COL23A1: variants seen among roughly 807,000 people sequenced by gnomAD.
COL23A1 encodes the protein collagen alpha-1(XXIII) chain.
COL23A1 carries 97 observed loss-of-function variants against 99.3 expected under a neutral mutation model. That is an observed-to-expected ratio of 0.98 (90% CI 0.83 to 1.16). The LOEUF (loss-of-function observed/expected upper bound fraction) is 1.16. Among genes scored for constraint, COL23A1 ranks in the 50% most tolerant of loss-of-function variants. The pLI, the probability that COL23A1 is intolerant of heterozygous loss-of-function variation, is 0.00. For missense variants in COL23A1, 762 were observed against 757.4 expected (o/e 1.01, Z -0.07); for synonymous variants, 320 against 308.2 (o/e 1.04, Z -0.40).
At chr5:178,381,094 A>G (rs1485074136) in intron 2 of COL23A1, among the ~76,000 whole-genome samples, 2 of 152,214 alleles carry the variant, frequency 1.3e-5, no homozygotes, top group African/African-American at 4.8e-5. Context: ...AGGGTCTGGC[A>G]TGGCCACAGT....
intron 2 of COL23A1, among the ~76,000 whole-genome samples, chr5:178,528,256 C>G (rs536329185): frequency 1.3e-5 from 2 of 152,326 alleles, no homozygotes; most frequent in Non-Finnish European, 2.9e-5. Flanking sequence ...TAAGCCCACT[C>G]ACGATCACTC....
intron 1 of COL23A1, among the ~76,000 whole-genome samples, chr5:178,573,866 T>C (rs1258346038): frequency 6.6e-6 from 1 of 152,124 alleles, no homozygotes; most frequent in Admixed American, 6.6e-5. Flanking sequence ...TTCTTTTTTT[T>C]TTTCTTTGTT....
chr5:178,277,714 T>C lies in COL23A1; in HGVS notation c.442-7351A>G, dbSNP rs149659837. Among the ~76,000 whole-genome samples the C allele has an allele frequency of 2.7e-4, 41 of 152,364 alleles. 1 individual carries two copies. Among genetic ancestry groups the C allele is most frequent in the African/African-American group, 9.9e-4 (41 of 41,602 alleles). ...TGAGTGTGCTGGAAGTAATTACATG[T>C]ATGTCCATGTCACACATCATGGCTA... On this transcript the variant is annotated intron_variant, in intron 5 of 28. Transcript: ENST00000390654.
At chr5:178,486,955 C>T (rs1313601802) in intron 2 of COL23A1, among the ~76,000 whole-genome samples, 1 of 152,236 alleles carries the variant, frequency 6.6e-6, no homozygotes, top group Non-Finnish European at 1.5e-5. Context: ...ACCCCACCCT[C>T]GGCCACATCA....
intron 2 of COL23A1, among the ~76,000 whole-genome samples, chr5:178,348,637 G>A (rs537998288): frequency 2.6e-5 from 4 of 152,202 alleles, no homozygotes; most frequent in Non-Finnish European, 4.4e-5. Context: ...CTGCCTGGCT[G>A]CAGAGCATTC....
intron 2 of COL23A1, among the ~76,000 whole-genome samples, chr5:178,546,774 A>G (rs1288141290): frequency 6.6e-6 from 1 of 152,184 alleles, no homozygotes; most frequent in Non-Finnish European, 1.5e-5. Flanking sequence ...CGCTTCCATC[A>G]GCCCCACAAG....
At chr5:178,427,212 T>C (rs1231689712) in intron 2 of COL23A1, among the ~76,000 whole-genome samples, 1 of 152,078 alleles carries the variant, frequency 6.6e-6, no homozygotes, top group Non-Finnish European at 1.5e-5. Flanking sequence ...ATAATAATGA[T>C]GATGAGATAC....
chr5:178,339,738 C>T (rs1232653162), intron 2 of COL23A1, among the ~76,000 whole-genome samples: 3 of 152,200 alleles, frequency 2.0e-5, no homozygotes, highest in Non-Finnish European at 4.4e-5. Context: ...GGGTGGGAGC[C>T]TCCAGCTGAA....
At chr5:178,360,469 A>G (rs12515852) in intron 2 of COL23A1, among the ~76,000 whole-genome samples, 19,669 of 152,074 alleles carry the variant, frequency 0.13, 1,468 homozygotes, top group Middle Eastern at 0.29. Flanking sequence ...GCTGGGCCTC[A>G]TGTGGGGGGG....
At chr5:178,529,827 C>T (rs969098213) in intron 2 of COL23A1, among the ~76,000 whole-genome samples, 3 of 152,136 alleles carry the variant, frequency 2.0e-5, no homozygotes, top group Non-Finnish European at 4.4e-5. Context: ...CAAGAAAGGG[C>T]CAGTAGAAGC....
rs575245549 is a variant in COL23A1 at position 178,467,699 on chromosome 5, C to G, written c.361+92983G>C. On this transcript the variant is annotated intron_variant, in intron 2 of 28. Coordinates refer to ENST00000390654, the MANE Select transcript of COL23A1 (RefSeq NM_173465.4). ...TCTGCCAGAGCCACAGACCTCTTCT[C>G]CTAGTACTGATTTAATTCTTTTTAA... 9.9e-5 allele frequency among the ~76,000 whole-genome samples: 15 copies of G among 152,198 alleles called. No homozygotes were observed. In the East Asian group the frequency reaches 2.9e-3, roughly 29 times the overall value.
chr5:178,239,179 C>T lies in COL23A1; in HGVS notation c.1582G>A (p.Gly528Ser). The change falls in exon 28 of 29, where the codon GGC becomes AGC. Residue 528 changes from glycine to serine, a missense_variant and splice_region_variant. Physicochemically the swap from Gly to Ser is moderately conservative, Grantham distance 56. Transcript: ENST00000390654. ...CCAGGCACAGGCAGCCCGTCGGGGC[C>T]CTGGAAAGGAAGAAGGTTTCAGTGA... ...PPGLDQPCPV[G>S]PDGLPVPGCW... 1 of 1,614,070 alleles carries T rather than the reference C, an allele frequency of 6.2e-7. No homozygotes were observed. The highest frequency in any genetic ancestry group is 1.1e-5 in the South Asian group (1 of 91,078).
At chr5:178,431,229 C>T (rs1360257925) in intron 2 of COL23A1, among the ~76,000 whole-genome samples, 1 of 152,164 alleles carries the variant, frequency 6.6e-6, no homozygotes. Flanking sequence ...CTTGGGGTTG[C>T]AAAACTCAGG....
At chr5:178,562,662 T>G (rs1201382538) in intron 1 of COL23A1, 1 of 150,398 alleles carries the variant, frequency 6.6e-6, no homozygotes, top group African/African-American at 2.5e-5. Flanking sequence ...GCAAGGAGAT[T>G]TATTGTGAAG....
intron 5 of COL23A1, among the ~76,000 whole-genome samples, chr5:178,278,750 G>A (rs960918005): frequency 5.3e-5 from 8 of 152,180 alleles, no homozygotes; most frequent in Non-Finnish European, 1.0e-4. Context: ...GTCCTGCCCC[G>A]TAGACCTGGG....
intron 9 of COL23A1, 128 bp downstream of exon 9, chr5:178,263,080 T>C: frequency 1.3e-6 from 1 of 782,572 alleles, no homozygotes. Flanking sequence ...AGGTTCAGTG[T>C]CTGGATTAGG....
chr5:178,501,740 T>A lies in COL23A1; in HGVS notation c.361+58942A>T, dbSNP rs576054817. Reference sequence around the variant, plus strand: ...CTGCTGGGGTAGCCTCAGACAAGGTTAAGTAGGGAGCTGGGCCTTCATGTG... The same window carrying A: ...CTGCTGGGGTAGCCTCAGACAAGGTAAAGTAGGGAGCTGGGCCTTCATGTG... On this transcript the variant is annotated intron_variant, in intron 2 of 28. Coordinates refer to ENST00000390654, the MANE Select transcript of COL23A1 (RefSeq NM_173465.4). Among the ~76,000 whole-genome samples the A allele has an allele frequency of 9.2e-5, 14 of 152,184 alleles. 1 individual carries two copies. The South Asian group carries it at 2.9e-3, about 32-fold the overall frequency.
intron 2 of COL23A1, among the ~76,000 whole-genome samples, chr5:178,508,049 A>G (rs960757033): frequency 3.4e-5 from 5 of 148,290 alleles, no homozygotes; most frequent in African/African-American, 1.2e-4. Flanking sequence ...CCTTTGGTCT[A>G]TTTTCTCTCT....
At chr5:178,562,743 G>GGGGGGGGGGGGGGGT (rs1480993197) in intron 1 of COL23A1, 1 of 143,278 alleles carries the variant, frequency 7.0e-6, no homozygotes. Context: ...TGGTGGGGGG[G>GGGGGGGGGGGGGGGT]GTGCGGGCTT....
Sources: allele counts gnomAD v4.1 joint callset (sites outside exome capture counted in the v4.1 genomes callset), GRCh38; gene constraint gnomAD v4.1.1; transcripts MANE v1.5; gene names NCBI Gene and HGNC (gene_info 2026-07-23, HGNC 2026-07-21).